The following PLCB1 variants were observed in gnomAD, a reference collection of about 807,000 sequenced individuals.
The protein encoded by PLCB1 is 1-phosphatidylinositol 4,5-bisphosphate phosphodiesterase beta-1.
Under a neutral mutation model 161.8 loss-of-function variants are expected in PLCB1, and 46 were observed. The ratio of observed to expected loss-of-function variants is 0.28; its 90% confidence interval spans 0.22 to 0.36. PLCB1 has a LOEUF of 0.36. Among genes scored for constraint, PLCB1 ranks in the 10% least tolerant of loss-of-function variants. The pLI is 1.00. For missense variants in PLCB1, 1,016 were observed against 1,472.5 expected (o/e 0.69, Z 5.07); for synonymous variants, 517 against 503.7 (o/e 1.03, Z -0.35).
chr20:8,785,141 A>T (rs961367995), intron 27 of PLCB1, among the ~76,000 whole-genome samples: 5 of 152,202 alleles, frequency 3.3e-5, no homozygotes, highest in Non-Finnish European at 7.3e-5. Context: ...CTGGGCAGTC[A>T]AAGGGGAGAA....
At chr20:8,880,130 G>T (rs1178393481) in intron 31 of PLCB1, among the ~76,000 whole-genome samples, 1 of 152,152 alleles carries the variant, frequency 6.6e-6, no homozygotes, top group East Asian at 1.9e-4. Flanking sequence ...TTAAGTCCAT[G>T]TCTTAAAAAT....
chr20:8,400,756 C>T (rs1426324704), intron 3 of PLCB1, among the ~76,000 whole-genome samples: 1 of 152,076 alleles, frequency 6.6e-6, no homozygotes, highest in Admixed American at 6.5e-5. Flanking sequence ...ATAGATGTGC[C>T]ATAATTTATG....
intron 2 of PLCB1, 60 bp from the exon 3 acceptor site, chr20:8,371,322 A>T (rs1986896506): frequency 1.7e-6 from 2 of 1,161,096 alleles, no homozygotes; most frequent in Admixed American, 4.0e-5. Flanking sequence ...TGTCAATGAC[A>T]TAAAACAAAG....
chr20:8,379,714 T>C (rs1987203369), intron 3 of PLCB1, among the ~76,000 whole-genome samples: 1 of 152,216 alleles, frequency 6.6e-6, no homozygotes, highest in Non-Finnish European at 1.5e-5. Context: ...GATGTTGAGC[T>C]TTTTTTCATA....
At chr20:8,300,988 G>A (rs539507788) in intron 2 of PLCB1, among the ~76,000 whole-genome samples, 49 of 152,288 alleles carry the variant, frequency 3.2e-4, no homozygotes, top group African/African-American at 1.2e-3. Flanking sequence ...ACCAGTTCCC[G>A]AGGCTGTGAT....
At chr20:8,560,743 T>C (rs1463285347) in intron 3 of PLCB1, among the ~76,000 whole-genome samples, 1 of 152,016 alleles carries the variant, frequency 6.6e-6, no homozygotes, top group Non-Finnish European at 1.5e-5. Context: ...CACTATAGTA[T>C]GTCTATTATA....
At chr20:8,740,241 C>A in intron 21 of PLCB1, 103 bp from the exon 22 acceptor site, 1 of 649,514 alleles carries the variant, frequency 1.5e-6, no homozygotes, top group Non-Finnish European at 2.7e-6. Flanking sequence ...TGTTTTTCAT[C>A]TAAAGTAACC....
Position 8,236,358 on chromosome 20 carries a change from C to G in PLCB1, c.177+85987C>G, listed in dbSNP as rs970188910. ...TCAGCCCAGATAACATAGTGAGACC[C>G]CTGTCTTTACAAAAAATTCAAAAAA... On this transcript the variant is annotated intron_variant, in intron 2 of 31. Transcript: ENST00000338037. Among the ~76,000 whole-genome samples the G allele has an allele frequency of 5.9e-5, 9 of 151,926 alleles. No homozygotes were observed. The South Asian group carries it at 6.2e-4, about 10-fold the overall frequency.
At chr20:8,406,737 A>C (rs1978803717) in intron 3 of PLCB1, among the ~76,000 whole-genome samples, 1 of 152,218 alleles carries the variant, frequency 6.6e-6, no homozygotes, top group African/African-American at 2.4e-5. Flanking sequence ...AAATTCTATT[A>C]TTCAGTTTTA....
intron 2 of PLCB1, among the ~76,000 whole-genome samples, chr20:8,240,294 ACACACACACACG>A (rs1343315165): frequency 2.6e-5 from 4 of 151,300 alleles, no homozygotes; most frequent in Non-Finnish European, 5.9e-5. Context: ...ACACACACAC[ACACACACACACG>A]CACACACACA....
intron 27 of PLCB1, among the ~76,000 whole-genome samples, chr20:8,787,869 G>A (rs1369547182): frequency 6.6e-6 from 1 of 152,142 alleles, no homozygotes; most frequent in African/African-American, 2.4e-5. Flanking sequence ...TATATCTACT[G>A]GAAATTACCC....
chr20:8,517,576 C>A (rs2206424), intron 3 of PLCB1, among the ~76,000 whole-genome samples: 61,953 of 151,856 alleles, frequency 0.41, 13,177 homozygotes, highest in Middle Eastern at 0.51. Flanking sequence ...CACTTAACAC[C>A]CTCCCCCAGT....
chr20:8,574,528 G>A (rs1986615252), intron 3 of PLCB1, among the ~76,000 whole-genome samples: 1 of 152,238 alleles, frequency 6.6e-6, no homozygotes, highest in Non-Finnish European at 1.5e-5. Context: ...TAGGTCCTGA[G>A]TCAAGGACTT....
intron 2 of PLCB1, among the ~76,000 whole-genome samples, chr20:8,294,423 A>G (rs1245613914): frequency 1.3e-5 from 2 of 152,046 alleles, no homozygotes; most frequent in Admixed American, 6.6e-5. Flanking sequence ...CATTAGGGAT[A>G]TGAAACATAC....
rs374048230 is a variant in PLCB1 at position 8,371,359 on chromosome 20, G to A, written c.178-23G>A. 1.9e-5 allele frequency: 30 copies of A among 1,584,124 alleles called. No homozygotes were observed. The African/African-American group carries it at 2.8e-4, about 15-fold the overall frequency. ...GGAAAGGTCTGTGTCGTTGCTTAAC[G>A]ATTTCACGTTTTTGCCTTCCAGGAG... is the stretch of plus-strand genomic sequence containing the variant. On this transcript the variant is annotated intron_variant, in intron 2 of 31. Coordinates refer to ENST00000338037, the MANE Select transcript of PLCB1 (RefSeq NM_015192.4).
At chr20:8,879,877 A>G (rs1214663748) in intron 31 of PLCB1, among the ~76,000 whole-genome samples, 7 of 152,154 alleles carry the variant, frequency 4.6e-5, no homozygotes, top group African/African-American at 1.7e-4. Flanking sequence ...TGAAAGCTGC[A>G]GATGGAGGAT....
chr20:8,427,624 T>C (rs1325064078), intron 3 of PLCB1, among the ~76,000 whole-genome samples: 1 of 152,156 alleles, frequency 6.6e-6, no homozygotes, highest in Non-Finnish European at 1.5e-5. Context: ...AACCCTCAAA[T>C]CCATCTCCCT....
intron 3 of PLCB1, among the ~76,000 whole-genome samples, chr20:8,413,146 T>G (rs1294513743): frequency 6.6e-6 from 1 of 152,200 alleles, no homozygotes; most frequent in African/African-American, 2.4e-5. Flanking sequence ...TAGAAAATGT[T>G]TTATTTTTAA....
At chr20:8,160,867 C>T (rs2051614751) in intron 2 of PLCB1, among the ~76,000 whole-genome samples, 1 of 152,108 alleles carries the variant, frequency 6.6e-6, no homozygotes, top group Non-Finnish European at 1.5e-5. Flanking sequence ...AATATAATTA[C>T]TTTCTTCCAC....
Sources: allele counts gnomAD v4.1 joint callset (sites outside exome capture counted in the v4.1 genomes callset), GRCh38; gene constraint gnomAD v4.1.1; transcripts MANE v1.5; gene names NCBI Gene and HGNC (gene_info 2026-07-23, HGNC 2026-07-21).